TPTE2: variants seen among roughly 807,000 people sequenced by gnomAD.
TPTE2 encodes transmembrane phosphoinositide 3-phosphatase and tensin homolog 2.
Under a neutral mutation model 78.6 loss-of-function variants are expected in TPTE2, and 53 were observed. The ratio of observed to expected loss-of-function variants is 0.67; its 90% CI spans 0.54 to 0.85. The LOEUF (loss-of-function observed/expected upper bound fraction) is 0.85, where lower values mean the gene tolerates loss of function less well. Among genes scored for constraint, TPTE2 ranks in the 40% least tolerant of loss-of-function variants. TPTE2 has a pLI of 0.00. For synonymous variants in TPTE2, 175 were observed against 206.2 expected, an observed-to-expected ratio of 0.85 and a Z score of 1.30; for missense variants, 461 against 623.0, an observed-to-expected ratio of 0.74 and a Z score of 2.77.
upstream of TPTE2, among the ~76,000 whole-genome samples, chr13:19,507,326 C>CA (rs1869138306): frequency 1.9e-5 from 1 of 52,182 alleles, no homozygotes; most frequent in African/African-American, 7.8e-5. Flanking sequence ...AAAAAAAAAA[C>CA]ACATGCAATT....
intron 3 of TPTE2, among the ~76,000 whole-genome samples, chr13:19,491,144 A>G (rs1163413387): frequency 1.3e-5 from 2 of 152,310 alleles, no homozygotes; most frequent in East Asian, 1.9e-4. Flanking sequence ...TCCTTTCTAC[A>G]TGTATACTTT....
intron 17 of TPTE2, among the ~76,000 whole-genome samples, chr13:19,428,784 A>G (rs1213621609): frequency 6.6e-6 from 1 of 152,062 alleles, no homozygotes; most frequent in African/African-American, 2.4e-5. Context: ...ACTAAATTAG[A>G]GTTGTGTTCC....
chr13:19,426,966 A>G (rs1365554061), intron 17 of TPTE2, among the ~76,000 whole-genome samples: 1 of 151,776 alleles, frequency 6.6e-6, no homozygotes, highest in Non-Finnish European at 1.5e-5. Context: ...GGGCCTCCCA[A>G]AGTGCTGGAT....
chr13:19,549,026 A>G, the TPTE2 span, among the ~76,000 whole-genome samples: 1 of 150,416 alleles, frequency 6.6e-6, no homozygotes, highest in Non-Finnish European at 1.5e-5. Context: ...AGGCTGAGGC[A>G]GGAGAATCAC....
chr13:19,465,991 C>T (rs972384602), intron 7 of TPTE2, among the ~76,000 whole-genome samples: 3 of 152,134 alleles, frequency 2.0e-5, no homozygotes, highest in Non-Finnish European at 4.4e-5. Flanking sequence ...CAAAACAAAT[C>T]GATTATTCTT....
At chr13:19,458,815 A>T in intron 10 of TPTE2, 1 of 339,510 alleles carries the variant, frequency 2.9e-6, no homozygotes. Flanking sequence ...CCAATCTATC[A>T]TCGACTGGCA....
At chr13:19,561,024 A>G in the TPTE2 span, 3 of 1,576,912 alleles carry the variant, frequency 1.9e-6, no homozygotes, top group African/African-American at 2.7e-5. Context: ...CAGACCAGGC[A>G]GAGGCGCTTG....
chr13:19,483,317 C>T (rs1333265476), intron 3 of TPTE2, among the ~76,000 whole-genome samples: 16 of 152,184 alleles, frequency 1.1e-4, no homozygotes, highest in Non-Finnish European at 2.2e-4. Context: ...CTTTTTATTA[C>T]TGATTCAATC....
At chr13:19,449,983 T>A in intron 13 of TPTE2, 93 bp downstream of exon 16, 1 of 1,326,350 alleles carries the variant, frequency 7.5e-7, no homozygotes, top group Non-Finnish European at 1.0e-6. Flanking sequence ...CAATTATTAA[T>A]ACATATTAAT....
At chr13:19,461,871 T>G (rs1878924993) in intron 10 of TPTE2, among the ~76,000 whole-genome samples, 1 of 152,068 alleles carries the variant, frequency 6.6e-6, no homozygotes, top group South Asian at 2.1e-4. Context: ...ATCCCTTCAC[T>G]TCCAGTCTGT....
chr13:19,443,869 C>T (rs1449860847), intron 13 of TPTE2, among the ~76,000 whole-genome samples: 2 of 152,052 alleles, frequency 1.3e-5, no homozygotes, highest in East Asian at 1.9e-4. Flanking sequence ...TCTAATTCTA[C>T]ACTGTACTGA....
At chr13:19,471,421 T>C (rs1468986884) in intron 6 of TPTE2, among the ~76,000 whole-genome samples, 2 of 152,206 alleles carry the variant, frequency 1.3e-5, no homozygotes, top group African/African-American at 4.8e-5. Flanking sequence ...TTTCTTGTTT[T>C]TTATTTTTCA....
upstream of TPTE2, among the ~76,000 whole-genome samples, chr13:19,504,216 C>T (rs925991414): frequency 1.3e-5 from 2 of 152,126 alleles, no homozygotes; most frequent in African/African-American, 4.8e-5. Context: ...ATGTTTAGTT[C>T]TTTACAATTG....
At chr13:19,441,044 G>A (rs897102775) in intron 13 of TPTE2, among the ~76,000 whole-genome samples, 3 of 150,480 alleles carry the variant, frequency 2.0e-5, no homozygotes, top group African/African-American at 7.4e-5. Flanking sequence ...CCAAGACTGC[G>A]CCATTGCACT....
intron 16 of TPTE2, 111 bp from the exon 20 acceptor site, chr13:19,430,658 C>T (rs2497068): frequency 1 from 713,168 of 713,942 alleles, 356,201 homozygotes; most frequent in Middle Eastern, 1. Context: ...AAGCTAACAA[C>T]GTATCAATAG....
At chr13:19,492,549 C>T (rs1279973974) in intron 3 of TPTE2, among the ~76,000 whole-genome samples, 1 of 152,086 alleles carries the variant, frequency 6.6e-6, no homozygotes, top group African/African-American at 2.4e-5. Context: ...AACTGACCTC[C>T]TTATACAACT....
the TPTE2 span, among the ~76,000 whole-genome samples, chr13:19,557,789 T>C: frequency 1.1e-4 from 16 of 152,162 alleles, no homozygotes; most frequent in Admixed American, 2.6e-4. Context: ...CTTGGAAAGA[T>C]GGAATGTTTC....
At chr13:19,465,841 T>C (rs956612175) in intron 7 of TPTE2, among the ~76,000 whole-genome samples, 12 of 152,154 alleles carry the variant, frequency 7.9e-5, no homozygotes, top group African/African-American at 2.9e-4. Context: ...ACCACCCTCT[T>C]ATGACAATGA....
At chr13:19,431,075 T>C (rs2497230) in intron 16 of TPTE2, among the ~76,000 whole-genome samples, 142,144 of 150,850 alleles carry the variant, frequency 0.94, 67,565 homozygotes, top group South Asian at 1. Context: ...TGCAGTGAGC[T>C]GAGATCACAC....
Sources: allele counts gnomAD v4.1 joint callset (sites outside exome capture counted in the v4.1 genomes callset), GRCh38; gene constraint gnomAD v4.1.1; transcripts MANE v1.5; gene names NCBI Gene and HGNC (gene_info 2026-07-23, HGNC 2026-07-21).